Variants in DLGAP2 observed in about 807,000 individuals in gnomAD.
The protein encoded by DLGAP2 is DLG associated protein 2.
DLGAP2 carries 26 observed loss-of-function variants against 100.3 expected under a neutral mutation model. The ratio of observed to expected loss-of-function variants is 0.26; its 90% CI spans 0.19 to 0.36. DLGAP2 has a LOEUF of 0.36. Ranked by LOEUF, DLGAP2 falls within the 10% of genes least tolerant of loss-of-function variation. The probability of loss-of-function intolerance (pLI) is 1.00; values close to 1 mark genes in which losing one functional copy is unlikely to be tolerated. For missense variants in DLGAP2, 1,858 were observed against 1,453.2 expected (o/e 1.28, Z -4.53); for synonymous variants, 886 against 630.1 (o/e 1.41, Z -6.08).
chr8:905,945 A>G (rs1798371009), intron 1 of DLGAP2, among the ~76,000 whole-genome samples: 1 of 152,222 alleles, frequency 6.6e-6, no homozygotes, highest in Non-Finnish European at 1.5e-5. Flanking sequence ...ATAGAGTCCC[A>G]TGCTCTGATT....
At chr8:1,497,728 G>T (rs1382090999) in intron 3 of DLGAP2, among the ~76,000 whole-genome samples, 1 of 152,222 alleles carries the variant, frequency 6.6e-6, no homozygotes, top group Non-Finnish European at 1.5e-5. Context: ...TGAACTGGGG[G>T]TGGGAACGTG....
At chr8:1,534,545 A>G (rs911011343) in intron 4 of DLGAP2, among the ~76,000 whole-genome samples, 2 of 152,268 alleles carry the variant, frequency 1.3e-5, no homozygotes, top group Non-Finnish European at 2.9e-5. Context: ...TGAGTTTAGA[A>G]TCACAAAACT....
At chr8:956,248 A>G (rs1177352599) in intron 2 of DLGAP2, among the ~76,000 whole-genome samples, 3 of 152,264 alleles carry the variant, frequency 2.0e-5, no homozygotes, top group Admixed American at 6.5e-5. Context: ...CACTGTGCAC[A>G]GCGTCTGAAG....
intron 3 of DLGAP2, among the ~76,000 whole-genome samples, chr8:1,325,099 C>G (rs1261018916): frequency 1.3e-5 from 2 of 152,338 alleles, no homozygotes; most frequent in Middle Eastern, 3.4e-3. Flanking sequence ...TCACCCAACA[C>G]TCACCTTCTT....
chr8:1,282,415 CG>C (rs1478374248), intron 3 of DLGAP2, among the ~76,000 whole-genome samples: 1 of 135,558 alleles, frequency 7.4e-6, no homozygotes, highest in Non-Finnish European at 1.6e-5. Context: ...CTGAACCCAG[CG>C]CCCTGAACCA....
At chr8:868,213 C>T (rs1797533645) in intron 1 of DLGAP2, among the ~76,000 whole-genome samples, 1 of 152,104 alleles carries the variant, frequency 6.6e-6, no homozygotes, top group Non-Finnish European at 1.5e-5. Flanking sequence ...TTATTCTGAG[C>T]ACTTATTTTT....
At chr8:1,069,967 T>A (rs1296364941) in intron 2 of DLGAP2, among the ~76,000 whole-genome samples, 1 of 152,190 alleles carries the variant, frequency 6.6e-6, no homozygotes, top group Non-Finnish European at 1.5e-5. Flanking sequence ...AGGGAAGGGA[T>A]TTTAGATCAG....
At chr8:1,430,789 C>T (rs1797403980) in intron 3 of DLGAP2, among the ~76,000 whole-genome samples, 1 of 152,192 alleles carries the variant, frequency 6.6e-6, no homozygotes, top group Non-Finnish European at 1.5e-5. Context: ...ATTGAAACAT[C>T]CTTTGTTAGT....
At chr8:1,134,343 A>T (rs1462486794) in intron 2 of DLGAP2, among the ~76,000 whole-genome samples, 1 of 152,152 alleles carries the variant, frequency 6.6e-6, no homozygotes, top group Non-Finnish European at 1.5e-5. Context: ...CTTTGGGTTT[A>T]TACCCAGTCA....
chr8:1,440,625 C>T (rs1259729779), intron 3 of DLGAP2, among the ~76,000 whole-genome samples: 2 of 152,208 alleles, frequency 1.3e-5, no homozygotes, highest in African/African-American at 4.8e-5. Flanking sequence ...CATGGGCTCT[C>T]CTGAATAAAA....
chr8:1,534,827 G>T (rs1176494284), intron 4 of DLGAP2, among the ~76,000 whole-genome samples: 8 of 152,208 alleles, frequency 5.3e-5, no homozygotes, highest in Admixed American at 5.2e-4. Flanking sequence ...GTGTGCGTGT[G>T]CGCACGTGTG....
intron 2 of DLGAP2, among the ~76,000 whole-genome samples, chr8:1,185,761 G>C (rs990438013): frequency 1.3e-5 from 2 of 150,784 alleles, no homozygotes; most frequent in Admixed American, 1.3e-4. Flanking sequence ...ACACATTCAG[G>C]AGATCCAGTC....
intron 2 of DLGAP2, among the ~76,000 whole-genome samples, chr8:1,094,246 A>G (rs183827463): frequency 6.6e-6 from 1 of 152,292 alleles, no homozygotes; most frequent in Admixed American, 6.5e-5. Flanking sequence ...AGCATTTCCA[A>G]CGCGAGTAAA....
chr8:837,296 G>C (rs1388335023), intron 1 of DLGAP2, among the ~76,000 whole-genome samples: 1 of 152,244 alleles, frequency 6.6e-6, no homozygotes, highest in Non-Finnish European at 1.5e-5. Context: ...AGAAGAAGGG[G>C]CCGCACCTTG....
intron 2 of DLGAP2, among the ~76,000 whole-genome samples, chr8:1,130,859 G>A (rs1796278140): frequency 7.1e-6 from 1 of 140,480 alleles, no homozygotes. Flanking sequence ...GGGAAGGGTG[G>A]CCTCTCTTCA....
At chr8:1,086,505 T>C (rs905630702) in intron 2 of DLGAP2, among the ~76,000 whole-genome samples, 1 of 152,156 alleles carries the variant, frequency 6.6e-6, no homozygotes, top group Non-Finnish European at 1.5e-5. Context: ...AAGACCCAAC[T>C]ATATGCTGCC....
intron 3 of DLGAP2, chr8:1,373,692 C>T (rs1390116257): frequency 2.0e-5 from 3 of 152,222 alleles, no homozygotes; most frequent in Non-Finnish European, 4.4e-5. Flanking sequence ...GGGGCGTCCA[C>T]CAACTAGGAG....
intron 3 of DLGAP2, among the ~76,000 whole-genome samples, chr8:1,372,318 G>T (rs540650028): frequency 7.9e-4 from 120 of 152,242 alleles, no homozygotes; most frequent in African/African-American, 2.8e-3. Flanking sequence ...GCTGGTCACC[G>T]TGCTGCCAAC....
In DLGAP2 at chr8:1,668,594, C is replaced by T. The variant is rs758018335; in HGVS notation, c.2076C>T (p.Ser692=). 3.8e-6 allele frequency: 6 copies of T among 1,599,024 alleles called. No homozygotes were observed. In the African/African-American group the frequency reaches 6.7e-5, roughly 18 times the overall value. The change falls in exon 9 of 15, where the codon AGC becomes AGT. Residue 692 remains serine, a synonymous_variant. Transcript: ENST00000637795. ...AQRHLPESQS[S]SVRTSDKAIL... ...GCCACCTGCCAGAGAGCCAGAGCAGCTCTGTGCGGACCAGCGACAAGGCCA... is the reference window on the plus strand; with the variant it reads ...GCCACCTGCCAGAGAGCCAGAGCAGTTCTGTGCGGACCAGCGACAAGGCCA...
Sources: gnomAD v4.1 joint callset for allele counts (sites outside exome capture counted in the v4.1 genomes callset) on GRCh38, gnomAD v4.1.1 for gene constraint, MANE v1.5 for transcripts, NCBI Gene and HGNC (gene_info 2026-07-23, HGNC 2026-07-21) for gene names.